Variants in CHP1 observed in about 807,000 individuals in gnomAD.
CHP1 encodes the protein calcineurin like EF-hand protein 1, also known as calcineurin B homologous protein 1.
A neutral mutation model predicts 27.4 loss-of-function variants in CHP1; 11 were observed. The observed-to-expected ratio is 0.40, with a 90% confidence interval of 0.25 to 0.67. The LOEUF is 0.67. Ranked by LOEUF, CHP1 falls within the 30% of genes least tolerant of loss-of-function variation. The pLI, the probability that CHP1 is intolerant of heterozygous loss-of-function variation, is 0.38. For synonymous variants in CHP1, 89 were observed against 87.4 expected, an observed-to-expected ratio of 1.02 and a Z score of -0.10; for missense variants, 169 against 251.3, an observed-to-expected ratio of 0.67 and a Z score of 2.22.
At chr15:41,267,552 C>T (rs2047467411) in intron 4 of CHP1, among the ~76,000 whole-genome samples, 1 of 151,766 alleles carries the variant, frequency 6.6e-6, no homozygotes, top group African/African-American at 2.4e-5. Flanking sequence ...GTCCCAGCTA[C>T]TCAGGAGGCT....
At chr15:41,263,312 C>T (rs1355672834) in intron 4 of CHP1, among the ~76,000 whole-genome samples, 1 of 152,196 alleles carries the variant, frequency 6.6e-6, no homozygotes, top group Admixed American at 6.6e-5. Context: ...CCAGGCCCCA[C>T]CTTTAAGGAA....
At chr15:41,273,818 G>C (rs935130788) in intron 5 of CHP1, among the ~76,000 whole-genome samples, 6 of 151,382 alleles carry the variant, frequency 4.0e-5, no homozygotes, top group African/African-American at 1.5e-4. Context: ...TTTCACTCCT[G>C]TAATTCCAGC....
intron 5 of CHP1, among the ~76,000 whole-genome samples, chr15:41,276,993 T>C (rs1467575939): frequency 6.6e-6 from 1 of 152,268 alleles, no homozygotes; most frequent in Middle Eastern, 3.4e-3. Flanking sequence ...GTAAGAAGAA[T>C]GAGGAAGGGC....
chr15:41,231,632 T>C (rs1360644410), intron 1 of CHP1, among the ~76,000 whole-genome samples, 183 bp downstream of exon 1: 1 of 152,008 alleles, frequency 6.6e-6, no homozygotes, highest in Non-Finnish European at 1.5e-5. Flanking sequence ...GGAGCGGGGC[T>C]CTAGCTACTG....
intron 3 of CHP1, among the ~76,000 whole-genome samples, chr15:41,259,659 A>T (rs957115474): frequency 6.6e-6 from 1 of 151,946 alleles, no homozygotes; most frequent in Non-Finnish European, 1.5e-5. Context: ...ACTTTACTCC[A>T]CATTACTTGA....
intron 4 of CHP1, chr15:41,264,134 G>A: frequency 8.3e-7 from 1 of 1,206,722 alleles, no homozygotes; most frequent in Non-Finnish European, 1.1e-6. Context: ...TTGTTAACAG[G>A]GCTTTTTTTT....
intron 1 of CHP1, among the ~76,000 whole-genome samples, chr15:41,233,739 A>G (rs1332134316): frequency 6.6e-6 from 1 of 152,070 alleles, no homozygotes; most frequent in Non-Finnish European, 1.5e-5. Flanking sequence ...GAAATCAGGC[A>G]AGAGAGAGAG....
At chr15:41,277,693 C>CA (rs1310894984) in intron 5 of CHP1, among the ~76,000 whole-genome samples, 1 of 150,242 alleles carries the variant, frequency 6.7e-6, no homozygotes, top group Non-Finnish European at 1.5e-5. Context: ...GAGGCCGAGG[C>CA]AGGGGAATCG....
At chr15:41,255,723 A>G (rs964379950) in intron 2 of CHP1, among the ~76,000 whole-genome samples, 1 of 151,628 alleles carries the variant, frequency 6.6e-6, no homozygotes, top group African/African-American at 2.4e-5. Context: ...AAAAGGTTCA[A>G]TATTAGGGCT....
chr15:41,235,628 T>A (rs897967374), intron 1 of CHP1, among the ~76,000 whole-genome samples: 1 of 152,238 alleles, frequency 6.6e-6, no homozygotes, highest in Non-Finnish European at 1.5e-5. Context: ...TTTTGGTATA[T>A]GTCATGTGGT....
chr15:41,276,730 G>A (rs1000453414), intron 5 of CHP1, among the ~76,000 whole-genome samples: 2 of 152,172 alleles, frequency 1.3e-5, no homozygotes, highest in Non-Finnish European at 2.9e-5. Flanking sequence ...GGAATAGTTG[G>A]CTTAATGCAG....
intron 1 of CHP1, among the ~76,000 whole-genome samples, chr15:41,240,707 T>G (rs1281879579): frequency 1.3e-5 from 2 of 148,354 alleles, no homozygotes; most frequent in Non-Finnish European, 3.0e-5. Context: ...GAGCCAAGAT[T>G]GTGCCATTGC....
intron 1 of CHP1, among the ~76,000 whole-genome samples, chr15:41,241,390 C>T (rs568724062): frequency 6.6e-6 from 1 of 152,208 alleles, no homozygotes; most frequent in Non-Finnish European, 1.5e-5. Context: ...GGAGTGCTTG[C>T]CATGTGCCTG....
intron 2 of CHP1, among the ~76,000 whole-genome samples, chr15:41,246,533 T>C (rs1435488873): frequency 1.3e-5 from 2 of 150,962 alleles, no homozygotes; most frequent in Non-Finnish European, 2.9e-5. Flanking sequence ...TTGGCCAGGC[T>C]GGTCTCAAAC....
intron 2 of CHP1, among the ~76,000 whole-genome samples, chr15:41,245,090 C>A (rs953093325): frequency 6.6e-6 from 1 of 152,182 alleles, no homozygotes; most frequent in Admixed American, 6.5e-5. Context: ...CTTCTCTCAT[C>A]CCCTGGCAAC....
intron 5 of CHP1, among the ~76,000 whole-genome samples, chr15:41,271,997 G>A (rs1159046103): frequency 6.6e-6 from 1 of 152,192 alleles, no homozygotes; most frequent in African/African-American, 2.4e-5. Flanking sequence ...AAAGTGTTGG[G>A]ATTACAGGCG....
intron 2 of CHP1, among the ~76,000 whole-genome samples, chr15:41,251,738 G>A (rs2047367948): frequency 1.3e-5 from 2 of 151,868 alleles, no homozygotes; most frequent in Admixed American, 6.6e-5. Flanking sequence ...CTACCCCCAG[G>A]AGAAAAATTA....
At chr15:41,257,819 CA>C (rs1349355923) in intron 3 of CHP1, among the ~76,000 whole-genome samples, 16 of 152,206 alleles carry the variant, frequency 1.1e-4, no homozygotes, top group African/African-American at 3.4e-4. Context: ...CTCAGCCTCC[CA>C]AAGTACTGGG....
chr15:41,237,725 CT>C (rs2047284692), intron 1 of CHP1, among the ~76,000 whole-genome samples: 1 of 151,982 alleles, frequency 6.6e-6, no homozygotes, highest in African/African-American at 2.4e-5. Flanking sequence ...GACAAAATAA[CT>C]TTTTCTTTTC....
Sources: allele counts gnomAD v4.1 joint callset (sites outside exome capture counted in the v4.1 genomes callset), GRCh38; gene constraint gnomAD v4.1.1; transcripts MANE v1.5; gene names NCBI Gene and HGNC (gene_info 2026-07-23, HGNC 2026-07-21).